CLSTN2: variants seen among roughly 807,000 people sequenced by gnomAD.
The protein encoded by CLSTN2 is calsyntenin 2.
CLSTN2 carries 48 observed loss-of-function variants against 101.2 expected under a neutral mutation model. That is an observed-to-expected ratio of 0.47 (90% CI 0.38 to 0.60). CLSTN2 has a LOEUF of 0.60. CLSTN2 is among the 20% of genes least tolerant of loss of function. The pLI, the probability that CLSTN2 is intolerant of heterozygous loss-of-function variation, is 0.00. For synonymous variants in CLSTN2, 481 were observed against 463.6 expected, an observed-to-expected ratio of 1.04 and a Z score of -0.48; for missense variants, 1,160 against 1,238.2, an observed-to-expected ratio of 0.94 and a Z score of 0.95.
chr3:140,056,200 G>A (rs1406833242), intron 1 of CLSTN2, among the ~76,000 whole-genome samples: 3 of 152,180 alleles, frequency 2.0e-5, no homozygotes, highest in Non-Finnish European at 4.4e-5. Context: ...AGCTCTCGTG[G>A]ATGGCTGATT....
chr3:140,175,961 C>T lies in CLSTN2; in HGVS notation c.120C>T (p.His40=). 6.2e-7 allele frequency: 1 copy of T among 1,611,814 alleles called. No homozygotes were observed. Among genetic ancestry groups the T allele is most frequent in the Non-Finnish European group, 8.5e-7 (1 of 1,178,798 alleles). ...CCCCTTATTTTCTAGTCAATAAGCACAAGCCATGGATCGAGACTTCATATC... is the reference window on the plus strand; with the variant it reads ...CCCCTTATTTTCTAGTCAATAAGCATAAGCCATGGATCGAGACTTCATATC... ...RRLLAAKVNK[H]KPWIETSYHG... Residue 40 remains histidine (H), a synonymous_variant, in exon 2 of 17, where the codon CAC becomes CAT. Coordinates refer to ENST00000458420, the MANE Select transcript of CLSTN2 (RefSeq NM_022131.3).
intron 6 of CLSTN2, chr3:140,449,394 A>G (rs1933184069): frequency 6.6e-6 from 1 of 152,192 alleles, no homozygotes; most frequent in African/African-American, 2.4e-5. Flanking sequence ...GCTTTATTCA[A>G]TGGCCGTGGA....
intron 4 of CLSTN2, among the ~76,000 whole-genome samples, chr3:140,405,685 C>T (rs10513110): frequency 1.1e-4 from 16 of 152,076 alleles, no homozygotes; most frequent in African/African-American, 3.9e-4. Context: ...CCCATCACCA[C>T]GAATAGAAAA....
At chr3:140,430,803 G>A (rs905017431) in intron 5 of CLSTN2, among the ~76,000 whole-genome samples, 6 of 152,184 alleles carry the variant, frequency 3.9e-5, no homozygotes, top group African/African-American at 1.4e-4. Context: ...TGTGAGATAA[G>A]CAATTCTAGC....
intron 2 of CLSTN2, among the ~76,000 whole-genome samples, chr3:140,272,654 A>G (rs1017245167): frequency 6.6e-6 from 1 of 152,200 alleles, no homozygotes; most frequent in Non-Finnish European, 1.5e-5. Flanking sequence ...TGGGAGGCTG[A>G]GGCAGGAGAA....
intron 8 of CLSTN2, among the ~76,000 whole-genome samples, chr3:140,474,239 C>A (rs1003624836): frequency 6.6e-6 from 1 of 152,178 alleles, no homozygotes; most frequent in Non-Finnish European, 1.5e-5. Flanking sequence ...CCTGGGCCAT[C>A]ATTTCTGAAG....
At chr3:139,962,479 T>C (rs548583088) in intron 1 of CLSTN2, among the ~76,000 whole-genome samples, 11 of 152,346 alleles carry the variant, frequency 7.2e-5, no homozygotes, top group Non-Finnish European at 1.5e-4. Context: ...ACTACTGTTC[T>C]GCTCTCTGTC....
Position 140,089,238 on chromosome 3 carries a change from T to C in CLSTN2, c.110-86713T>C, listed in dbSNP as rs138047816. On this transcript the variant is annotated intron_variant, in intron 1 of 16. Coordinates refer to ENST00000458420, the MANE Select transcript of CLSTN2 (RefSeq NM_022131.3). ...GATTCTGATTTGGGCCTTATTTTTCTCTGTGTGGCCTTGTGTGCCCTTTGA... is the reference window on the plus strand; with the variant it reads ...GATTCTGATTTGGGCCTTATTTTTCCCTGTGTGGCCTTGTGTGCCCTTTGA... 2.1e-3 allele frequency among the ~76,000 whole-genome samples: 325 copies of C among 152,328 alleles called. 2 individuals carry two copies. Among genetic ancestry groups the C allele is most frequent in the African/African-American group, 7.6e-3 (318 of 41,572 alleles).
At chr3:140,191,863 T>C (rs1004176122) in intron 2 of CLSTN2, among the ~76,000 whole-genome samples, 1 of 151,978 alleles carries the variant, frequency 6.6e-6, no homozygotes, top group East Asian at 1.9e-4. Context: ...ATTGCTTTTC[T>C]GTATTATTTC....
intron 2 of CLSTN2, among the ~76,000 whole-genome samples, chr3:140,234,080 A>G (rs1437065320): frequency 1.3e-5 from 2 of 152,232 alleles, no homozygotes; most frequent in East Asian, 3.8e-4. Flanking sequence ...TTTGTTCATG[A>G]GCATCTGGGC....
At chr3:140,088,459 T>C (rs575167279) in intron 1 of CLSTN2, among the ~76,000 whole-genome samples, 35 of 152,284 alleles carry the variant, frequency 2.3e-4, no homozygotes, top group Admixed American at 9.1e-4. Context: ...ATTTTTAATC[T>C]AGAATCCAGC....
At chr3:140,420,841 T>G (rs1410171361) in intron 4 of CLSTN2, among the ~76,000 whole-genome samples, 1 of 152,198 alleles carries the variant, frequency 6.6e-6, no homozygotes, top group Admixed American at 6.5e-5. Context: ...AGCCCATTAC[T>G]TATAAACACA....
intron 8 of CLSTN2, among the ~76,000 whole-genome samples, chr3:140,492,602 C>A (rs2107758175): frequency 6.6e-6 from 1 of 152,324 alleles, no homozygotes; most frequent in Middle Eastern, 3.4e-3. Context: ...CACCTTACAA[C>A]CAGAAAAGCT....
At chr3:140,047,803 T>G (rs936047228) in intron 1 of CLSTN2, among the ~76,000 whole-genome samples, 5 of 152,202 alleles carry the variant, frequency 3.3e-5, no homozygotes, top group African/African-American at 1.2e-4. Context: ...AACACATTAA[T>G]CCATTACTCT....
At position 140,229,127 on chromosome 3, in the gene CLSTN2, T is replaced by A. The variant is rs76652140; in HGVS notation, c.232+53054T>A. 3.9e-3 allele frequency among the ~76,000 whole-genome samples: 588 copies of A among 152,198 alleles called. 3 individuals are homozygous for A. The highest frequency in any genetic ancestry group is 0.015 in the South Asian group (71 of 4,818). ...GGGTGACTTCTGTGGAGCAGATCCA[T>A]GAGCATAAGCATGAGTTCCAGGATT... On this transcript the variant is annotated intron_variant, in intron 2 of 16. Coordinates refer to ENST00000458420, the MANE Select transcript of CLSTN2 (RefSeq NM_022131.3).
chr3:140,561,447 G>A (rs80092822), intron 12 of CLSTN2, among the ~76,000 whole-genome samples: 4,362 of 152,248 alleles, frequency 0.029, 200 homozygotes, highest in African/African-American at 0.098. Context: ...ATTAGGCAAG[G>A]ACAACTTGAC....
At chr3:140,393,476 G>T (rs571709504) in intron 2 of CLSTN2, among the ~76,000 whole-genome samples, 1 of 152,228 alleles carries the variant, frequency 6.6e-6, no homozygotes, top group Non-Finnish European at 1.5e-5. Flanking sequence ...TTAACCCGCT[G>T]AATGGAGTCT....
intron 1 of CLSTN2, among the ~76,000 whole-genome samples, chr3:140,156,146 AG>A (rs971504727): frequency 2.0e-5 from 3 of 152,174 alleles, no homozygotes; most frequent in African/African-American, 7.2e-5. Context: ...GTTTTATCTT[AG>A]GTGCTATCTC....
At chr3:140,122,860 C>T (rs1244028352) in intron 1 of CLSTN2, among the ~76,000 whole-genome samples, 4 of 152,170 alleles carry the variant, frequency 2.6e-5, no homozygotes, top group East Asian at 3.9e-4. Flanking sequence ...TATAATACTT[C>T]GTAAAGCATA....
Sources: allele counts gnomAD v4.1 joint callset (sites outside exome capture counted in the v4.1 genomes callset), GRCh38; gene constraint gnomAD v4.1.1; transcripts MANE v1.5; gene names NCBI Gene and HGNC (gene_info 2026-07-23, HGNC 2026-07-21).